Variants in DIAPH1 observed in about 807,000 individuals in gnomAD.
DIAPH1 encodes the protein diaphanous related formin 1, also known as protein diaphanous homolog 1.
A neutral mutation model predicts 140.7 loss-of-function variants in DIAPH1; 46 were observed. The ratio of observed to expected loss-of-function variants is 0.33; its 90% CI spans 0.26 to 0.42. DIAPH1 has a LOEUF of 0.42. Among genes scored for constraint, DIAPH1 ranks in the 10% least tolerant of loss-of-function variants. The pLI, the probability that DIAPH1 is intolerant of heterozygous loss-of-function variation, is 1.00. For missense variants in DIAPH1, 1,310 were observed against 1,558.7 expected, an observed-to-expected ratio of 0.84 and a Z score of 2.69; for synonymous variants, 565 against 551.6, an observed-to-expected ratio of 1.02 and a Z score of -0.34.
intron 27 of DIAPH1, 106 bp from the exon 28 acceptor site, chr5:141,517,114 G>C: frequency 1.5e-6 from 2 of 1,353,650 alleles, no homozygotes; most frequent in Non-Finnish European, 2.1e-6. Context: ...TGACTACCTT[G>C]GCCACTTCAC....
rs761083162 is a variant in DIAPH1, at chr5:141,582,277, G to A, written c.684+35C>T. On this transcript the variant is annotated intron_variant, in intron 7 of 27. Transcript: ENST00000389054. ...ATAGAAGAGAAAGAACAGGCGTCCA[G>A]ATGGGGTTTGGAATGAGAATGGGAA... is the stretch of plus-strand genomic sequence containing the variant. 45 of 1,553,024 alleles carry A rather than the reference G, an allele frequency of 2.9e-5. No homozygotes were observed. The East Asian group carries it at 1.0e-3, about 35-fold the overall frequency.
At chr5:141,528,182 T>A (rs2099887678) in intron 23 of DIAPH1, among the ~76,000 whole-genome samples, 1 of 152,200 alleles carries the variant, frequency 6.6e-6, no homozygotes, top group Admixed American at 6.5e-5. Context: ...TGAAAAGAAC[T>A]ATTAACCTAG....
rs774876990 is a variant in DIAPH1, at chr5:141,573,991, G to T, written c.1859C>A (p.Pro620His). The T allele has an allele frequency of 9.7e-6, 15 of 1,550,712 alleles. No individual in the cohort carries two copies. In the African/African-American group the frequency reaches 2.1e-4, roughly 21 times the overall value. The change falls in exon 16 of 28, where the codon CCT (proline) becomes CAT (histidine). Residue 620 changes from proline (P) to histidine (H), a missense_variant. Pro to His is a moderately conservative substitution (Grantham distance 77). This residue lies in a region of DIAPH1 where 589 missense variants were observed against 549.3 expected (regional missense o/e 1.07). Transcript: ENST00000389054. Reference protein sequence around the residue: ...PPPPPPPPPPPLPGGVCISSP... With the variant: ...PPPPPPPPPPHLPGGVCISSP... ...GGAGATGCAAACACCCCCAGGCAAA[G>T]GAGGTGGAGGAGGAGGAGGAGGAGG...
chr5:141,527,700 A>AAT lies in DIAPH1; in HGVS notation c.3149-4_3149-3insAT. On this transcript the variant is annotated splice_polypyrimidine_tract_variant and splice_region_variant and intron_variant, in intron 23 of 27. Transcript: ENST00000389054. The stretch of plus-strand genomic sequence containing the variant: ...CTTTTGCAAGTTTTCAGCAGAAACT[A>AAT]AAAAAAAAAAAAAAAAAAAAAACCA... The AAT allele has an allele frequency of 4.4e-6, 1 of 229,096 alleles. No homozygotes were observed. Among genetic ancestry groups the AAT allele is most frequent in the Non-Finnish European group, 7.4e-6 (1 of 135,764 alleles). 14.2% of individuals were successfully genotyped at this position (229,096 alleles called of 1,614,324 possible).
rs771335028 is a variant in DIAPH1 at position 141,516,935 on chromosome 5, A to T, written c.3735T>A (p.Ala1245=). 1 of 1,614,156 alleles carries T rather than the reference A, an allele frequency of 6.2e-7. No individual in the cohort carries two copies. Among genetic ancestry groups the T allele is most frequent in the East Asian group, 2.2e-5 (1 of 44,902 alleles). The change falls in exon 28 of 28, where the codon GCT becomes GCA. Residue 1245 remains alanine (A), a synonymous_variant. Transcript: ENST00000389054. ...SELTKDDAMA[A]VPAKVSKNSE... is the part of the protein sequence containing the mutation. ...TGTTCTTGGACACCTTGGCAGGAAC[A>T]GCAGCCATGGCATCATCCTTGGTCA... is the stretch of plus-strand genomic sequence containing the variant.
At chr5:141,582,484 GTAAAT>G (rs2099896924) in intron 6 of DIAPH1, 109 bp from the exon 7 acceptor site, 1 of 805,524 alleles carries the variant, frequency 1.2e-6, no homozygotes, top group African/African-American at 1.7e-5. Context: ...TAGCAGATGA[GTAAAT>G]TTTAGGAAAT....
At chr5:141,584,318 G>A in intron 3 of DIAPH1, 93 bp from the exon 4 acceptor site, 3 of 736,296 alleles carry the variant, frequency 4.1e-6, no homozygotes, top group Middle Eastern at 3.6e-4. Flanking sequence ...GTGAAGAGTT[G>A]AGCATGTAAA....
At position 141,583,630 on chromosome 5, in the gene DIAPH1, T is replaced by C; in HGVS notation, c.403-15A>G. The C allele has an allele frequency of 6.2e-7, 1 of 1,614,158 alleles. No homozygotes were observed. Among genetic ancestry groups the C allele is most frequent in the Non-Finnish European group, 8.5e-7 (1 of 1,179,974 alleles). ...TGGCTCATGCCCTAGACAGAAGGCA[T>C]AGACAGAGATTAGTAATGGTGGACC... On this transcript the variant is annotated splice_polypyrimidine_tract_variant and intron_variant, in intron 4 of 27. Coordinates refer to ENST00000389054, the MANE Select transcript of DIAPH1 (RefSeq NM_005219.5).
chr5:141,524,152 G>A lies in DIAPH1; in HGVS notation c.3652C>T (p.Pro1218Ser), dbSNP rs2099886956. The A allele has an allele frequency of 6.2e-7, 1 of 1,613,936 alleles. No homozygotes were observed. Among genetic ancestry groups the A allele is most frequent in the African/African-American group, 1.3e-5 (1 of 74,910 alleles). The change falls in exon 27 of 28, where the codon CCC becomes TCC. Residue 1218 changes from proline (P) to serine (S), a missense_variant. Physicochemically the swap from Pro to Ser is moderately conservative, Grantham distance 74. Around this residue, in one of 3 missense-constraint regions of DIAPH1, gnomAD observed 344 missense variants for 512.2 expected, o/e 0.67. Coordinates refer to ENST00000389054, the MANE Select transcript of DIAPH1 (RefSeq NM_005219.5). ...SGAAFRRKRG[P>S]RQANRKAGCA... ...CCATGTGCTTACTTACCTTGACGGG[G>A]CCCTCTCTTCCGTCGGAATGCTGCC...
At position 141,578,497 on chromosome 5, in the gene DIAPH1, T is replaced by C; in HGVS notation, c.1044+18A>G. ...GAAGGAACCAGTCTAGCCTTTCTAA[T>C]GAAGTGTAATATCTTACCTGCAACA... is the stretch of plus-strand genomic sequence containing the variant. On this transcript the variant is annotated intron_variant, in intron 10 of 27. Coordinates refer to ENST00000389054, the MANE Select transcript of DIAPH1 (RefSeq NM_005219.5). The C allele has an allele frequency of 6.3e-7, 1 of 1,598,982 alleles. No homozygotes were observed. Among genetic ancestry groups the C allele is most frequent in the Non-Finnish European group, 8.6e-7 (1 of 1,166,200 alleles).
intron 1 of DIAPH1, among the ~76,000 whole-genome samples, chr5:141,615,609 G>A (rs1362194347): frequency 2.0e-5 from 3 of 151,934 alleles, no homozygotes; most frequent in African/African-American, 7.3e-5. Context: ...CAGGCGTGGT[G>A]GCAGGTGCCT....
At chr5:141,617,017 C>G (rs1379233981) in intron 1 of DIAPH1, among the ~76,000 whole-genome samples, 1 of 152,134 alleles carries the variant, frequency 6.6e-6, no homozygotes, top group Non-Finnish European at 1.5e-5. Flanking sequence ...AAATAGAGTA[C>G]ATATAAAATT....
At chr5:141,576,114 T>G (rs866645738) in intron 14 of DIAPH1, 116 bp downstream of exon 14, 1 of 862,462 alleles carries the variant, frequency 1.2e-6, no homozygotes, top group East Asian at 2.4e-5. Context: ...AACTACACTA[T>G]TGGGTGCTAA....
Position 141,577,517 on chromosome 5 carries a change from A to T in DIAPH1, c.1238T>A (p.Ile413Asn). ...DSKAEPHFLS[I>N]LQHLLLVRND... ...TCGGACCAAGAGTAAGTGCTGCAGG[A>T]TGGAAAGGAAGTGTGGCTCTGCCTT... The change falls in exon 12 of 28, where the codon ATC (isoleucine) becomes AAC (asparagine). Residue 413 changes from isoleucine to asparagine, a missense_variant. Physicochemically the swap from Ile to Asn is moderately radical, Grantham distance 149. Around this residue, in one of 3 missense-constraint regions of DIAPH1, gnomAD observed 589 missense variants for 549.3 expected, o/e 1.07. Coordinates refer to ENST00000389054, the MANE Select transcript of DIAPH1 (RefSeq NM_005219.5). 1 of 1,613,996 alleles carries T rather than the reference A, an allele frequency of 6.2e-7. No homozygotes were observed. The highest frequency in any genetic ancestry group is 8.5e-7 in the Non-Finnish European group (1 of 1,179,850).
chr5:141,607,006 A>C (rs2099901083), intron 1 of DIAPH1, among the ~76,000 whole-genome samples: 2 of 152,060 alleles, frequency 1.3e-5, no homozygotes, highest in African/African-American at 4.8e-5. Context: ...AGAAAAAAGA[A>C]AAAGATTCCC....
chr5:141,592,771 A>T (rs553826907), intron 1 of DIAPH1, among the ~76,000 whole-genome samples: 1 of 152,270 alleles, frequency 6.6e-6, no homozygotes, highest in Admixed American at 6.5e-5. Context: ...AAACATTAGC[A>T]CTTATACCTT....
chr5:141,526,558 G>T, intron 24 of DIAPH1, 97 bp from the exon 25 acceptor site: 1 of 1,458,840 alleles, frequency 6.9e-7, no homozygotes, highest in Non-Finnish European at 9.6e-7. Context: ...GGCATGCAAA[G>T]GGATGTTCAA....
rs2099896034 is a variant in DIAPH1, at chr5:141,576,840, T to C, written c.1312A>G (p.Ile438Val). Residue 438 changes from isoleucine (I) to valine (V), a missense_variant, in exon 13 of 28, where the codon ATT becomes GTT. By Grantham distance (29) the Ile-to-Val change is conservative. Around this residue, in one of 3 missense-constraint regions of DIAPH1, gnomAD observed 589 missense variants for 549.3 expected, o/e 1.07. Transcript: ENST00000389054. ...TTCTTGTGCAGAACTATCTGGGAAA[T>C]ACATTCTTCAATCAACTTATAGTAC... is the stretch of plus-strand genomic sequence containing the variant. ...PQYYKLIEEC[I>V]SQIVLHKNGA... is the part of the protein sequence containing the mutation. The C allele has an allele frequency of 1.2e-6, 2 of 1,613,396 alleles. No homozygotes were observed. The highest frequency in any genetic ancestry group is 1.7e-6 in the Non-Finnish European group (2 of 1,179,380).
intron 7 of DIAPH1, among the ~76,000 whole-genome samples, chr5:141,581,508 GATTTATAT>G (rs1156887291): frequency 1.3e-5 from 2 of 152,132 alleles, no homozygotes; most frequent in African/African-American, 2.4e-5. Context: ...AAAAGTCTTT[GATTTATAT>G]GTTTCTTGTT....
Sources: gnomAD v4.1 joint callset for allele counts (sites outside exome capture counted in the v4.1 genomes callset) on GRCh38, gnomAD v4.1.1 for gene constraint, gnomAD v4.1.1 regional missense constraint, MANE v1.5 for transcripts, NCBI Gene and HGNC (gene_info 2026-07-23, HGNC 2026-07-21) for gene names.